Variants in AFF2 observed in about 807,000 individuals in gnomAD.
AFF2 encodes the protein ALF transcription elongation factor 2, also known as AF4/FMR2 family member 2.
AFF2 carries 14 observed loss-of-function variants against 76.9 expected under a neutral mutation model. That is an observed-to-expected ratio of 0.18 (90% CI 0.12 to 0.28). AFF2 has a LOEUF of 0.28. AFF2 is among the 10% of genes least tolerant of loss of function. The pLI is 1.00. For missense variants in AFF2, 868 were observed against 1,001.1 expected (o/e 0.87, Z 1.79); for synonymous variants, 398 against 366.7 (o/e 1.09, Z -0.98).
At chrX:148,502,405 A>G (rs979062052) in intron 1 of AFF2, among the ~76,000 whole-genome samples, 1 of 112,473 alleles carries the variant, frequency 8.9e-6, no homozygotes, top group Non-Finnish European at 1.9e-5. Flanking sequence ...TCATTATGCC[A>G]ATCATGCCTC....
At chrX:148,957,674 A>G (rs2072057772) in intron 11 of AFF2, among the ~76,000 whole-genome samples, 1 of 112,345 alleles carries the variant, frequency 8.9e-6, no homozygotes, top group African/African-American at 3.2e-5. Context: ...CCAAAATTCA[A>G]AAATATTCAA....
chrX:148,905,534 T>G (rs1261867880), intron 9 of AFF2, among the ~76,000 whole-genome samples: 1 of 112,187 alleles, frequency 8.9e-6, no homozygotes, highest in Non-Finnish European at 1.9e-5. Context: ...GAGGCCAGGG[T>G]CAGGGCTTTT....
rs1287184794 is a variant in AFF2, at chrX:148,651,979, T to A, written c.48-20T>A. 6.1e-6 allele frequency: 7 copies of A among 1,150,500 alleles called. No homozygotes were observed. Among genetic ancestry groups the A allele is most frequent in the Non-Finnish European group, 8.1e-6 (7 of 863,036 alleles). 94.8% of individuals were successfully genotyped at this position (1,150,500 alleles called of 1,213,427 possible). A position where few individuals can be genotyped will look rare whatever the true frequency, so the allele number is the denominator to read the frequency against. On this transcript the variant is annotated intron_variant, in intron 1 of 20. Transcript: ENST00000370460. ...ATTAATTAATCTTTTTCTCTTTTTG[T>A]CTTTTCCTTTTCATATCAGTCACTA...
chrX:148,726,842 A>T (rs1220220713), intron 3 of AFF2, among the ~76,000 whole-genome samples: 1 of 111,324 alleles, frequency 9.0e-6, no homozygotes, highest in Non-Finnish European at 1.9e-5. Context: ...GTATCCAGAT[A>T]GCCAGGGCAC....
At chrX:148,830,562 G>A (rs1274696451) in intron 4 of AFF2, among the ~76,000 whole-genome samples, 2 of 111,836 alleles carry the variant, frequency 1.8e-5, no homozygotes, top group African/African-American at 6.5e-5. Flanking sequence ...CTGGGTGTCT[G>A]GGGCAGACAT....
rs138714163 is a variant in AFF2 at position 148,900,107 on chromosome X, A to C, written c.1360-4114A>C. On this transcript the variant is annotated intron_variant, in intron 8 of 20. Coordinates refer to ENST00000370460, the MANE Select transcript of AFF2 (RefSeq NM_002025.4). ...AGAATTACCTTGCTAAAGAATTTTG[A>C]AGAAGTGTTATCATTATAAAGAAAA... 1.7e-4 allele frequency among the ~76,000 whole-genome samples: 19 copies of C among 111,118 alleles called. No individual in the cohort carries two copies. The East Asian group carries it at 5.4e-3, about 32-fold the overall frequency.
At chrX:148,705,732 C>T (rs1012308717) in intron 3 of AFF2, among the ~76,000 whole-genome samples, 1 of 111,919 alleles carries the variant, frequency 8.9e-6, no homozygotes, top group Non-Finnish European at 1.9e-5. Context: ...CCAGTATTGG[C>T]TGAGTGGTCA....
intron 7 of AFF2, among the ~76,000 whole-genome samples, chrX:148,881,270 C>A (rs2071092347): frequency 8.9e-6 from 1 of 111,772 alleles, no homozygotes; most frequent in Non-Finnish European, 1.9e-5. Flanking sequence ...CTATTATGCC[C>A]AGTCTTACAC....
At chrX:148,530,209 G>A (rs781925326) in intron 1 of AFF2, among the ~76,000 whole-genome samples, 12 of 111,391 alleles carry the variant, frequency 1.1e-4, no homozygotes, top group Non-Finnish European at 2.1e-4. Context: ...ATGTTATATC[G>A]CTACTGTTAT....
At chrX:148,918,932 A>G (rs1247266256) in intron 9 of AFF2, among the ~76,000 whole-genome samples, 2 of 111,978 alleles carry the variant, frequency 1.8e-5, no homozygotes, top group African/African-American at 6.5e-5. Context: ...GAGAGAAACG[A>G]ACCCCCTGTT....
intron 4 of AFF2, among the ~76,000 whole-genome samples, chrX:148,816,928 C>A (rs2070271381): frequency 2.4e-5 from 1 of 40,823 alleles, no homozygotes; most frequent in Admixed American, 4.1e-4. Flanking sequence ...ACCACAAGAT[C>A]TATGCAAAAA....
chrX:148,990,433 G>A (rs1323442687), intron 20 of AFF2, among the ~76,000 whole-genome samples: 2 of 112,304 alleles, frequency 1.8e-5, no homozygotes, highest in Non-Finnish European at 3.8e-5. Flanking sequence ...AAATGAATTC[G>A]TACATGAAAA....
chrX:148,757,432 C>A (rs1048091080), intron 3 of AFF2, among the ~76,000 whole-genome samples: 1 of 110,854 alleles, frequency 9.0e-6, no homozygotes, highest in Admixed American at 9.6e-5. Context: ...TGTGTGTATA[C>A]CCATATATAT....
intron 9 of AFF2, among the ~76,000 whole-genome samples, chrX:148,910,195 G>T (rs190917150): frequency 1.1e-4 from 12 of 112,612 alleles, no homozygotes; most frequent in Non-Finnish European, 1.7e-4. Flanking sequence ...TCCACTCTGC[G>T]TAGGAAATTA....
chrX:148,581,017 A>AC (rs1557244368), intron 1 of AFF2, among the ~76,000 whole-genome samples: 2 of 73,492 alleles, frequency 2.7e-5, no homozygotes, highest in South Asian at 7.9e-4. Context: ...TCCTACACAC[A>AC]AACATATGTG....
intron 9 of AFF2, among the ~76,000 whole-genome samples, chrX:148,941,676 A>T (rs2071836312): frequency 8.9e-6 from 1 of 112,265 alleles, no homozygotes; most frequent in African/African-American, 3.2e-5. Flanking sequence ...ATGAAACTGA[A>T]GCTGAAGAAG....
chrX:148,908,066 G>A (rs1173120442), intron 9 of AFF2, among the ~76,000 whole-genome samples: 2 of 111,565 alleles, frequency 1.8e-5, no homozygotes, highest in African/African-American at 3.3e-5. Flanking sequence ...GCTCACCAGC[G>A]GTCAGAGTTT....
chrX:148,891,202 C>T (rs1348565314), intron 8 of AFF2, among the ~76,000 whole-genome samples: 2 of 111,427 alleles, frequency 1.8e-5, no homozygotes, highest in African/African-American at 6.5e-5. Context: ...GGAGGACAGA[C>T]GTTTTGGGAG....
chrX:148,706,802 C>A (rs1184224501), intron 3 of AFF2, among the ~76,000 whole-genome samples: 1 of 112,368 alleles, frequency 8.9e-6, no homozygotes, highest in Non-Finnish European at 1.9e-5. Flanking sequence ...AAATCATTGG[C>A]CAATTTAAAA....
Sources: allele counts gnomAD v4.1 joint callset (sites outside exome capture counted in the v4.1 genomes callset), GRCh38; gene constraint gnomAD v4.1.1; transcripts MANE v1.5; gene names NCBI Gene and HGNC (gene_info 2026-07-23, HGNC 2026-07-21).